KLHL32: variants seen among roughly 807,000 people sequenced by gnomAD.
KLHL32 encodes the protein kelch-like protein 32.
In KLHL32, 35 loss-of-function variants were observed where a neutral mutation model predicts 64.8. The ratio of observed to expected loss-of-function variants is 0.54; its 90% CI spans 0.41 to 0.72. KLHL32 has a LOEUF of 0.72. KLHL32 is among the 30% of genes least tolerant of loss of function. The probability of loss-of-function intolerance (pLI) is 0.00; values close to 1 mark genes in which losing one functional copy is unlikely to be tolerated. For synonymous variants in KLHL32, 259 were observed against 281.0 expected, an observed-to-expected ratio of 0.92 and a Z score of 0.78; for missense variants, 589 against 768.5, an observed-to-expected ratio of 0.77 and a Z score of 2.76.
intron 6 of KLHL32, chr6:97,105,349 A>G (rs1796266682): frequency 2.3e-6 from 1 of 438,830 alleles, no homozygotes; most frequent in Non-Finnish European, 4.7e-6. Flanking sequence ...GTTGCCCAAG[A>G]GCTCATCAAC....
intron 3 of KLHL32, among the ~76,000 whole-genome samples, chr6:97,017,678 G>A (rs1006569110): frequency 2.6e-5 from 4 of 152,100 alleles, no homozygotes; most frequent in African/African-American, 9.7e-5. Flanking sequence ...CTCTTTTGGG[G>A]ATATGGCTTG....
chr6:97,018,597 T>G (rs1781557931), intron 3 of KLHL32, among the ~76,000 whole-genome samples: 1 of 129,480 alleles, frequency 7.7e-6, no homozygotes, highest in Admixed American at 8.9e-5. Flanking sequence ...CAAGACTCAG[T>G]CTCAAAAAAA....
chr6:97,023,765 G>A (rs1191922380), intron 3 of KLHL32, among the ~76,000 whole-genome samples: 2 of 152,138 alleles, frequency 1.3e-5, no homozygotes, highest in African/African-American at 4.8e-5. Flanking sequence ...GAGAACTAGG[G>A]GCCAGGAAAA....
intron 3 of KLHL32, among the ~76,000 whole-genome samples, chr6:97,011,965 A>G (rs1780461612): frequency 6.6e-6 from 1 of 152,146 alleles, no homozygotes; most frequent in Admixed American, 6.6e-5. Context: ...TGTAGATATT[A>G]CAACAACTTT....
chr6:97,001,550 C>T (rs1020146380), intron 3 of KLHL32, among the ~76,000 whole-genome samples: 5 of 152,260 alleles, frequency 3.3e-5, no homozygotes, highest in Non-Finnish European at 5.9e-5. Flanking sequence ...TCACCAAAGC[C>T]TCAATCTCCC....
At chr6:96,956,226 T>C (rs1773258540) in intron 1 of KLHL32, among the ~76,000 whole-genome samples, 1 of 152,108 alleles carries the variant, frequency 6.6e-6, no homozygotes, top group African/African-American at 2.4e-5. Context: ...CCCACAACAC[T>C]TGGGAATTCA....
intron 6 of KLHL32, among the ~76,000 whole-genome samples, chr6:97,100,620 C>T (rs1448546851): frequency 6.6e-6 from 1 of 152,134 alleles, no homozygotes; most frequent in East Asian, 1.9e-4. Context: ...TGGGTACTTT[C>T]TGGACATCTA....
chr6:97,051,728 A>T (rs1786938314), intron 4 of KLHL32, among the ~76,000 whole-genome samples: 1 of 152,170 alleles, frequency 6.6e-6, no homozygotes, highest in Non-Finnish European at 1.5e-5. Context: ...CCCTCAAATC[A>T]TCTTAGTGGA....
At chr6:97,118,738 T>C (rs1024851717) in intron 7 of KLHL32, among the ~76,000 whole-genome samples, 4 of 152,036 alleles carry the variant, frequency 2.6e-5, no homozygotes, top group Non-Finnish European at 5.9e-5. Context: ...AAACTTGTGC[T>C]GCATTTCTTA....
upstream of KLHL32, among the ~76,000 whole-genome samples, chr6:96,922,494 G>C (rs886504178): frequency 9.5e-6 from 1 of 105,208 alleles, no homozygotes; most frequent in African/African-American, 3.8e-5. Context: ...TGCAACCAAA[G>C]ACTCACACTT....
chr6:97,015,035 G>A (rs915963500), intron 3 of KLHL32, among the ~76,000 whole-genome samples: 14 of 152,224 alleles, frequency 9.2e-5, no homozygotes, highest in Admixed American at 8.5e-4. Context: ...TTTATATGGG[G>A]CTCTTTTTCC....
At chr6:97,045,101 G>T (rs1039626815) in intron 4 of KLHL32, among the ~76,000 whole-genome samples, 1 of 151,982 alleles carries the variant, frequency 6.6e-6, no homozygotes, top group African/African-American at 2.4e-5. Flanking sequence ...GAATAATTGA[G>T]GCAACTCTGG....
chr6:97,132,755 G>A lies in KLHL32; in HGVS notation c.1701+8G>A, dbSNP rs777497931. The A allele has an allele frequency of 6.3e-7, 1 of 1,589,136 alleles. No individual in the cohort carries two copies. Among genetic ancestry groups the A allele is most frequent in the South Asian group, 1.1e-5 (1 of 87,746 alleles). ...CCTCTGGCTTGTATCCAGGTGAGTG[G>A]TAGAAGTTCCTTTTGAAGTTTGTTC... is the stretch of plus-strand genomic sequence containing the variant. On this transcript the variant is annotated splice_region_variant and intron_variant, in intron 10 of 10. Coordinates refer to ENST00000369261, the MANE Select transcript of KLHL32 (RefSeq NM_052904.4).
At position 96,946,869 on chromosome 6, in the gene KLHL32, T is replaced by C. The variant is rs183029038; in HGVS notation, c.-65-20127T>C. 2.6e-3 allele frequency among the ~76,000 whole-genome samples: 398 copies of C among 152,188 alleles called. 3 individuals are homozygous for C. The highest frequency in any genetic ancestry group is 3.4e-3 in the Middle Eastern group (1 of 294). On this transcript the variant is annotated intron_variant, in intron 1 of 10. Transcript: ENST00000369261. ...GTAAGGGTTAACAAATGAGAAATGA[T>C]GGTAAAAGAAAAACAAAGGGAACGG...
At chr6:97,121,519 A>G (rs912787849) in intron 7 of KLHL32, among the ~76,000 whole-genome samples, 4 of 152,202 alleles carry the variant, frequency 2.6e-5, no homozygotes, top group Admixed American at 1.3e-4. Context: ...TGTAAAGAGA[A>G]AGGTGATAAA....
intron 4 of KLHL32, among the ~76,000 whole-genome samples, chr6:97,049,673 T>G (rs1220858082): frequency 6.6e-6 from 1 of 152,184 alleles, no homozygotes; most frequent in Non-Finnish European, 1.5e-5. Flanking sequence ...AGTCCATAAC[T>G]GGAGTGTTGA....
chr6:97,138,400 G>A (rs1252179748), intron 10 of KLHL32, among the ~76,000 whole-genome samples: 1 of 152,046 alleles, frequency 6.6e-6, no homozygotes, highest in Non-Finnish European at 1.5e-5. Flanking sequence ...TTAGCTAGGC[G>A]TGGTGGTGTG....
chr6:97,054,231 T>C (rs1020889574), intron 4 of KLHL32, among the ~76,000 whole-genome samples: 1 of 152,198 alleles, frequency 6.6e-6, no homozygotes, highest in Non-Finnish European at 1.5e-5. Context: ...ATGAGAACAT[T>C]CAAATGAAGG....
rs1452896214 is a variant in KLHL32, at chr6:97,020,379, T to C, written c.205-21113T>C. On this transcript the variant is annotated intron_variant, in intron 3 of 10. Transcript: ENST00000369261. The stretch of plus-strand genomic sequence containing the variant: ...AAAATAATGATTACCAGAAATACTA[T>C]AGAAACTCTATGCCAATAAACTTCA... 6.0e-5 allele frequency among the ~76,000 whole-genome samples: 9 copies of C among 151,204 alleles called. 2 individuals are homozygous for C. Among genetic ancestry groups the C allele is most frequent in the African/African-American group, 1.7e-4 (7 of 40,494 alleles).
Sources: allele counts gnomAD v4.1 joint callset (sites outside exome capture counted in the v4.1 genomes callset), GRCh38; gene constraint gnomAD v4.1.1; transcripts MANE v1.5; gene names NCBI Gene and HGNC (gene_info 2026-07-23, HGNC 2026-07-21).